POTEI: variants seen among roughly 807,000 people sequenced by gnomAD.
POTEI encodes POTE ankyrin domain family, member I.
POTEI carries 14 observed loss-of-function variants against 43.4 expected under a neutral mutation model. That is an observed-to-expected ratio of 0.32 (90% CI 0.21 to 0.50). The LOEUF is 0.50. Among genes scored for constraint, POTEI ranks in the 20% least tolerant of loss-of-function variants. The pLI, the probability that POTEI is intolerant of heterozygous loss-of-function variation, is 0.98. For synonymous variants in POTEI, 95 were observed against 297.9 expected (o/e 0.32, Z 7.01); for missense variants, 235 against 795.4 (o/e 0.30, Z 8.47).
chr2:130,483,883 C>T (rs1344618728), intron 9 of POTEI, among the ~76,000 whole-genome samples: 3 of 150,660 alleles, frequency 2.0e-5, no homozygotes, highest in Non-Finnish European at 2.9e-5. Context: ...GCCCGACCTA[C>T]GGCAAACATT....
chr2:130,496,696 A>C, intron 5 of POTEI, 74 bp from the exon 6 acceptor site: 1 of 1,495,324 alleles, frequency 6.7e-7, no homozygotes, highest in South Asian at 1.2e-5. Flanking sequence ...ATGTAGAATT[A>C]TTAAGAGTAT....
At chr2:130,474,168 C>T (rs1457627055) in intron 13 of POTEI, among the ~76,000 whole-genome samples, 1 of 151,288 alleles carries the variant, frequency 6.6e-6, no homozygotes, top group African/African-American at 2.5e-5. Context: ...TTTTCCCTCA[C>T]ATTTGCCAAT....
intron 14 of POTEI, among the ~76,000 whole-genome samples, chr2:130,464,529 A>G (rs1251091094): frequency 2.1e-5 from 3 of 146,172 alleles, no homozygotes; most frequent in African/African-American, 7.7e-5. Context: ...CATTTTTAAG[A>G]TTAGGTTTAC....
chr2:130,507,404 GTGTATATATATGTATATA>G (rs1684217409), intron 1 of POTEI, among the ~76,000 whole-genome samples: 1 of 5,762 alleles, frequency 1.7e-4, no homozygotes. Flanking sequence ...ATGTATATAT[GTGTATATATATGTATATA>G]TATATATATC....
chr2:130,508,669 C>A, intron 1 of POTEI, 46 bp downstream of exon 1: 1 of 720,654 alleles, frequency 1.4e-6, no homozygotes, highest in South Asian at 1.9e-5. Flanking sequence ...GGTATGTCCC[C>A]ATCATCCCCC....
chr2:130,486,854 T>C (rs1390204324), intron 9 of POTEI, among the ~76,000 whole-genome samples: 9 of 125,394 alleles, frequency 7.2e-5, no homozygotes, highest in African/African-American at 2.1e-4. Context: ...GTTTAGCAGA[T>C]GAAAGATCCT....
intron 8 of POTEI, among the ~76,000 whole-genome samples, chr2:130,488,625 G>T (rs1683652328): frequency 7.8e-6 from 1 of 127,984 alleles, no homozygotes; most frequent in Non-Finnish European, 1.7e-5. Flanking sequence ...TTTAGAGGAT[G>T]ACACACTGTG....
Position 130,497,664 on chromosome 2 carries a change from TG to T in POTEI, c.1056-1043del, listed in dbSNP as rs964551647. 3 of 48,920 alleles carry T rather than the reference TG, an allele frequency of 6.1e-5. 1 individual carries two copies. Among genetic ancestry groups the T allele is most frequent in the African/African-American group, 1.4e-4 (3 of 22,040 alleles). 3.0% of individuals were successfully genotyped at this position (48,920 alleles called of 1,614,324 possible). On this transcript the variant is annotated intron_variant, in intron 5 of 14. Transcript: ENST00000451531. ...AGAAATCACAATTTCAATATTTGGGTGGCACCCATTTTGCTTTGATTCACAC... is the reference window on the plus strand; with the variant it reads ...AGAAATCACAATTTCAATATTTGGGTGCACCCATTTTGCTTTGATTCACAC...
At position 130,502,090 on chromosome 2, in the gene POTEI, G is replaced by A. The variant is rs1439258728; in HGVS notation, c.810+1356C>T. Among the ~76,000 whole-genome samples the A allele has an allele frequency of 1.5e-3, 73 of 48,294 alleles. 5 individuals are homozygous for A. Among genetic ancestry groups the A allele is most frequent in the African/African-American group, 3.0e-3 (69 of 23,074 alleles). 31.7% of individuals were successfully genotyped at this position (48,294 alleles called of 152,430 possible). On this transcript the variant is annotated intron_variant, in intron 3 of 14. Transcript: ENST00000451531. ...GAAAATTGTTGTTGTTGTCGTCGTCGTTGTTGTTGTTGTTGTTGTTAGAGA... is the reference window on the plus strand; with the variant it reads ...GAAAATTGTTGTTGTTGTCGTCGTCATTGTTGTTGTTGTTGTTGTTAGAGA...
intron 10 of POTEI, among the ~76,000 whole-genome samples, chr2:130,477,433 C>G (rs1224174766): frequency 2.0e-5 from 3 of 150,014 alleles, no homozygotes; most frequent in Non-Finnish European, 4.4e-5. Context: ...GCCACCACAC[C>G]TGGCCTTATT....
At chr2:130,483,851 G>C (rs975193890) in intron 9 of POTEI, among the ~76,000 whole-genome samples, 11 of 150,712 alleles carry the variant, frequency 7.3e-5, no homozygotes, top group Non-Finnish European at 1.5e-4. Flanking sequence ...AAAGTGCTGT[G>C]ATTACAGGTG....
intron 8 of POTEI, among the ~76,000 whole-genome samples, chr2:130,488,522 C>A (rs1403845019): frequency 4.4e-4 from 45 of 102,460 alleles, no homozygotes; most frequent in African/African-American, 1.5e-3. Context: ...TGTATTTACC[C>A]CATTTGACTC....
At position 130,509,035 on chromosome 2, in the gene POTEI, G is replaced by A. The variant is rs1414165759; in HGVS notation, c.201C>T (p.His67=). ...LRSKMGKWCC[H]CFPCCRGSGK... ...CACTCCCCCTGCAGCAGGGGAAGCA[G>A]TGGCAGCACCACTTGCCCATCTTGC... Residue 67 remains histidine, a synonymous_variant, in exon 1 of 15, where the codon CAC becomes CAT. Transcript: ENST00000451531. 1 of 1,518,454 alleles carries A rather than the reference G, an allele frequency of 6.6e-7. No homozygotes were observed. The allele number at this position is 1,518,454 out of a possible 1,614,324, so 94.1% of individuals were successfully genotyped here.
rs1684269561 is a variant in POTEI at position 130,509,135 on chromosome 2, C to G, written c.101G>C (p.Cys34Ser). 6.6e-7 allele frequency: 1 copy of G among 1,514,458 alleles called. No homozygotes were observed. 93.8% of individuals were successfully genotyped at this position (1,514,458 alleles called of 1,614,324 possible). Reference protein sequence around the residue: ...MGKWCRHCFPCCRGSGKSNVG... With the variant: ...MGKWCRHCFPSCRGSGKSNVG... ...GTTGCTCTTGCCGCTCCCCCTGCAG[C>G]AGGGGAAGCAGTGGCGGCACCACTT... The change falls in exon 1 of 15, where the codon TGC becomes TCC. Residue 34 changes from cysteine (C) to serine (S), a missense_variant. Physicochemically the swap from Cys to Ser is moderately radical, Grantham distance 112 (BLOSUM62 -1). Coordinates refer to ENST00000451531, the MANE Select transcript of POTEI (RefSeq NM_001277406.2).
intron 6 of POTEI, 99 bp downstream of exon 6, chr2:130,496,453 C>G (rs1683907242): frequency 1.4e-6 from 1 of 731,670 alleles, no homozygotes; most frequent in African/African-American, 1.8e-5. Flanking sequence ...TCCCCACCTT[C>G]CCCCAGCCCA....
At chr2:130,483,862 T>C (rs1350946141) in intron 9 of POTEI, among the ~76,000 whole-genome samples, 2 of 150,778 alleles carry the variant, frequency 1.3e-5, no homozygotes, top group Admixed American at 6.6e-5. Context: ...ATTACAGGTG[T>C]GAGCCACCAT....
chr2:130,477,731 T>C (rs1449470499), intron 10 of POTEI, among the ~76,000 whole-genome samples: 3 of 138,396 alleles, frequency 2.2e-5, no homozygotes, highest in Non-Finnish European at 4.5e-5. Context: ...TTAAAAAGAA[T>C]TAAAATAAAG....
chr2:130,500,313 AC>A (rs1382954787), intron 4 of POTEI, among the ~76,000 whole-genome samples: 2 of 148,780 alleles, frequency 1.3e-5, no homozygotes, highest in South Asian at 4.5e-4. Flanking sequence ...GTAACCAAAA[AC>A]GTCACATAAC....
At chr2:130,480,936 TG>T (rs1683390425) in intron 10 of POTEI, among the ~76,000 whole-genome samples, 1 of 4,004 alleles carries the variant, frequency 2.5e-4, no homozygotes, top group African/African-American at 2.8e-4. Context: ...ACACTTCTGT[TG>T]TGAGCACCTT....
Sources: allele counts gnomAD v4.1 joint callset (sites outside exome capture counted in the v4.1 genomes callset), GRCh38; gene constraint gnomAD v4.1.1; transcripts MANE v1.5; gene names NCBI Gene and HGNC (gene_info 2026-07-23, HGNC 2026-07-21).